TAFA1: variants seen among roughly 807,000 people sequenced by gnomAD.
TAFA1 encodes the protein chemokine-like protein TAFA-1.
TAFA1 carries 4 observed loss-of-function variants against 18.5 expected under a neutral mutation model. That is an observed-to-expected ratio of 0.22 (90% CI 0.11 to 0.49). The LOEUF (loss-of-function observed/expected upper bound fraction) is 0.49. Ranked by LOEUF, TAFA1 falls within the 20% of genes least tolerant of loss-of-function variation. TAFA1 has a pLI of 0.98. For synonymous variants in TAFA1, 56 were observed against 55.2 expected (o/e 1.01, Z -0.06); for missense variants, 147 against 169.0 (o/e 0.87, Z 0.72).
intron 2 of TAFA1, among the ~76,000 whole-genome samples, chr3:68,070,967 C>G (rs1291975982): frequency 1.3e-5 from 2 of 152,224 alleles, no homozygotes; most frequent in African/African-American, 4.8e-5. Flanking sequence ...GAGTTCCAAA[C>G]TTCCCCACAT....
chr3:68,206,267 G>C (rs1224412784), intron 2 of TAFA1, among the ~76,000 whole-genome samples: 2 of 151,782 alleles, frequency 1.3e-5, no homozygotes, highest in East Asian at 3.9e-4. Context: ...TAGACAATCT[G>C]ATACTTTGTC....
At chr3:68,108,798 A>T (rs909857566) in intron 2 of TAFA1, among the ~76,000 whole-genome samples, 1 of 152,164 alleles carries the variant, frequency 6.6e-6, no homozygotes, top group African/African-American at 2.4e-5. Context: ...TTATTATTAT[A>T]AAAACATAAT....
chr3:68,202,375 C>T (rs917507519), intron 2 of TAFA1, among the ~76,000 whole-genome samples: 1 of 151,456 alleles, frequency 6.6e-6, no homozygotes, highest in Admixed American at 6.6e-5. Flanking sequence ...GGTATACTTT[C>T]ATTAATATGT....
At chr3:68,154,265 G>A (rs2065839777) in intron 2 of TAFA1, among the ~76,000 whole-genome samples, 1 of 152,130 alleles carries the variant, frequency 6.6e-6, no homozygotes, top group East Asian at 1.9e-4. Context: ...GGGTTTTAGA[G>A]ACCTAGAAAT....
At chr3:68,232,892 C>G (rs1353722079) in intron 2 of TAFA1, among the ~76,000 whole-genome samples, 1 of 152,168 alleles carries the variant, frequency 6.6e-6, no homozygotes, top group Non-Finnish European at 1.5e-5. Flanking sequence ...ACATAAGCCA[C>G]TGCACCTGGC....
chr3:68,121,311 A>AC (rs2065396249), intron 2 of TAFA1, among the ~76,000 whole-genome samples: 1 of 149,692 alleles, frequency 6.7e-6, no homozygotes, highest in African/African-American at 2.5e-5. Context: ...TATACTCCTA[A>AC]CCAGAGCTCC....
At chr3:68,139,618 GATTTC>G (rs2065646504) in intron 2 of TAFA1, among the ~76,000 whole-genome samples, 1 of 152,130 alleles carries the variant, frequency 6.6e-6, no homozygotes, top group Non-Finnish European at 1.5e-5. Flanking sequence ...TGAACTAGGA[GATTTC>G]TTGGGCCTCA....
intron 2 of TAFA1, among the ~76,000 whole-genome samples, chr3:68,407,304 A>G (rs1412520460): frequency 2.0e-5 from 3 of 152,062 alleles, no homozygotes; most frequent in Non-Finnish European, 2.9e-5. Flanking sequence ...TTTAATTCTT[A>G]TACCTGATAA....
chr3:68,018,261 C>G (rs1021349584), intron 2 of TAFA1, among the ~76,000 whole-genome samples: 3 of 152,150 alleles, frequency 2.0e-5, no homozygotes, highest in Non-Finnish European at 4.4e-5. Flanking sequence ...ACAAGTCAGC[C>G]AATTGTCAAA....
chr3:68,097,150 A>G (rs965836437), intron 2 of TAFA1, among the ~76,000 whole-genome samples: 1 of 152,122 alleles, frequency 6.6e-6, no homozygotes, highest in Non-Finnish European at 1.5e-5. Context: ...TGAATATATC[A>G]TAAGAGAAAT....
chr3:68,150,158 T>C (rs1221172246), intron 2 of TAFA1, among the ~76,000 whole-genome samples: 2 of 152,234 alleles, frequency 1.3e-5, no homozygotes, highest in Non-Finnish European at 2.9e-5. Flanking sequence ...TGTAAACACA[T>C]GCAGCTGCCT....
At chr3:68,404,886 C>G (rs979946090) in intron 2 of TAFA1, among the ~76,000 whole-genome samples, 1 of 151,880 alleles carries the variant, frequency 6.6e-6, no homozygotes, top group Non-Finnish European at 1.5e-5. Flanking sequence ...GGGCATCTGG[C>G]CCTAAAGTGG....
intron 2 of TAFA1, among the ~76,000 whole-genome samples, chr3:68,338,624 A>G (rs2069018301): frequency 6.6e-6 from 1 of 152,210 alleles, no homozygotes; most frequent in Admixed American, 6.5e-5. Flanking sequence ...AGCAGGCTAG[A>G]GGGGTTTGAA....
chr3:68,206,803 C>T (rs1013611221), intron 2 of TAFA1, among the ~76,000 whole-genome samples: 2 of 151,902 alleles, frequency 1.3e-5, no homozygotes, highest in Non-Finnish European at 2.9e-5. Flanking sequence ...TGTAGTTGTA[C>T]CTCATTGGAC....
At chr3:68,494,300 C>A (rs1356330044) in intron 3 of TAFA1, among the ~76,000 whole-genome samples, 1 of 152,126 alleles carries the variant, frequency 6.6e-6, no homozygotes, top group African/African-American at 2.4e-5. Context: ...TCACTTAAAA[C>A]CTTGGTGATC....
At position 68,424,707 on chromosome 3, in the gene TAFA1, T is replaced by C. The variant is rs539024467; in HGVS notation, c.259+7287T>C. On this transcript the variant is annotated intron_variant, in intron 3 of 4. Transcript: ENST00000478136. ...CAGTTTTTCATAGGATAACATGAGA[T>C]ATATGTGAGAAGGATTATGTATGAT... 3.9e-5 allele frequency among the ~76,000 whole-genome samples: 6 copies of C among 152,162 alleles called. No individual in the cohort carries two copies. The East Asian group carries it at 9.7e-4, about 25-fold the overall frequency.
At chr3:68,461,660 C>A (rs1276268060) in intron 3 of TAFA1, among the ~76,000 whole-genome samples, 4 of 151,276 alleles carry the variant, frequency 2.6e-5, no homozygotes, top group African/African-American at 9.7e-5. Context: ...AAGAATGAAA[C>A]CCTGTCTCAG....
intron 2 of TAFA1, among the ~76,000 whole-genome samples, chr3:68,038,308 T>G (rs1040988916): frequency 9.2e-5 from 14 of 152,102 alleles, no homozygotes; most frequent in Non-Finnish European, 1.9e-4. Flanking sequence ...ATCAAAACCT[T>G]TAGAAAGTCA....
chr3:68,260,872 T>C (rs970127135), intron 2 of TAFA1, among the ~76,000 whole-genome samples: 2 of 152,144 alleles, frequency 1.3e-5, no homozygotes, highest in African/African-American at 4.8e-5. Flanking sequence ...AAGGACTTCA[T>C]GTCTAAAACA....
Sources: gnomAD v4.1 joint callset for allele counts (sites outside exome capture counted in the v4.1 genomes callset) on GRCh38, gnomAD v4.1.1 for gene constraint, MANE v1.5 for transcripts, NCBI Gene and HGNC (gene_info 2026-07-23, HGNC 2026-07-21) for gene names.